The following RSRP1 variants were observed in gnomAD, a reference collection of about 807,000 sequenced individuals.
RSRP1 encodes the protein arginine/serine-rich protein 1.
In RSRP1, 37 loss-of-function variants were observed where a neutral mutation model predicts 33.0. The observed-to-expected ratio is 1.12, with a 90% CI of 0.86 to 1.48. The LOEUF (loss-of-function observed/expected upper bound fraction) is 1.48, where lower values mean the gene tolerates loss of function less well. Ranked by LOEUF, RSRP1 falls within the 40% of genes most tolerant of loss-of-function variation. RSRP1 has a pLI of 0.00. For synonymous variants in RSRP1, 167 were observed against 158.7 expected, an observed-to-expected ratio of 1.05 and a Z score of -0.40; for missense variants, 402 against 385.3, an observed-to-expected ratio of 1.04 and a Z score of -0.36.
chr1:25,267,830 G>T (rs1413586683), intron 1 of RSRP1: 2 of 130,846 alleles, frequency 1.5e-5, no homozygotes, highest in East Asian at 2.0e-4. Flanking sequence ...CTCAAATGGC[G>T]TACTCCAAAC....
chr1:25,254,734 G>A (rs183411054), intron 1 of RSRP1, among the ~76,000 whole-genome samples: 5 of 152,190 alleles, frequency 3.3e-5, no homozygotes, highest in Non-Finnish European at 5.9e-5. Flanking sequence ...AGGCCCAGCC[G>A]AATAGTTCTG....
chr1:25,253,286 T>C (rs1331212381), intron 1 of RSRP1: 1 of 152,218 alleles, frequency 6.6e-6, no homozygotes. Flanking sequence ...AGAAATCACA[T>C]AGATCTAATG....
At position 25,262,172 on chromosome 1, in the gene RSRP1, G is replaced by C. The variant is rs1263534071; in HGVS notation, c.-66-15143C>G. Among the ~76,000 whole-genome samples, 35 of 152,184 alleles carry C rather than the reference G, an allele frequency of 2.3e-4. 1 individual carries two copies. The highest frequency in any genetic ancestry group is 2.2e-3 in the Admixed American group (33 of 15,272). ...CCTGTTATTAAGTAATCTGTAGTCT[G>C]ACTAAACCATTAGAAATTTAAAAAA... On this transcript the variant is annotated intron_variant, in intron 1 of 1. Transcript: ENST00000561867.
chr1:25,311,036 G>A lies in RSRP1; in HGVS notation c.-67+26942C>T, dbSNP rs1173478458. On this transcript the variant is annotated intron_variant, in intron 1 of 1. Coordinates refer to the RSRP1 transcript ENST00000561867. Reference sequence around the variant, plus strand: ...AAAGACAGTTCTGCAGTTCTGGTGAGGGCTTAAAGGAAGACCCCAGAACTA... The same window carrying A: ...AAAGACAGTTCTGCAGTTCTGGTGAAGGCTTAAAGGAAGACCCCAGAACTA... Among the ~76,000 whole-genome samples the A allele has an allele frequency of 1.5e-5, 2 of 130,998 alleles. 1 individual carries two copies. The highest frequency in any genetic ancestry group is 3.6e-5 in the Non-Finnish European group (2 of 55,422). The allele number at this position is 130,998 out of a possible 152,430, so 85.9% of individuals were successfully genotyped here. A position where few individuals can be genotyped will look rare whatever the true frequency, so the allele number is the denominator to read the frequency against.
At chr1:25,261,404 T>G (rs1640142448) in intron 1 of RSRP1, among the ~76,000 whole-genome samples, 1 of 151,864 alleles carries the variant, frequency 6.6e-6, no homozygotes. Flanking sequence ...TGTGATTTCT[T>G]TCTTTTTTTT....
chr1:25,255,757 A>C (rs1639926554), intron 1 of RSRP1, among the ~76,000 whole-genome samples: 1 of 152,206 alleles, frequency 6.6e-6, no homozygotes, highest in African/African-American at 2.4e-5. Context: ...AGACAGTGAC[A>C]GATCATTAAG....
chr1:25,258,656 A>G (rs528886724), intron 1 of RSRP1, among the ~76,000 whole-genome samples: 2 of 152,352 alleles, frequency 1.3e-5, no homozygotes, highest in South Asian at 4.1e-4. Context: ...TTATCTACTG[A>G]ATGAACAAGA....
At position 25,311,281 on chromosome 1, in the gene RSRP1, TC is replaced by T. The variant is rs1393556279; in HGVS notation, c.-67+26696del. On this transcript the variant is annotated intron_variant, in intron 1 of 1. Coordinates refer to the RSRP1 transcript ENST00000561867. ...TTATGGAAGGCAGAAAATCTGTAGG[TC>T]AGCCATGTTGTAGGGAATGAAAGAA... Among the ~76,000 whole-genome samples the T allele has an allele frequency of 1.5e-5, 2 of 130,980 alleles. 1 individual carries two copies. The highest frequency in any genetic ancestry group is 3.6e-5 in the Non-Finnish European group (2 of 54,930). The allele number at this position is 130,980 out of a possible 152,430, so 85.9% of individuals were successfully genotyped here.
intron 1 of RSRP1, chr1:25,266,733 G>C (rs1431108398): frequency 1.9e-5 from 3 of 159,214 alleles, no homozygotes; most frequent in Admixed American, 5.3e-5. Context: ...AGTGAAAGGG[G>C]GTTCTGCTCC....
chr1:25,268,638 T>C (rs1217783134), intron 1 of RSRP1, among the ~76,000 whole-genome samples: 1 of 129,678 alleles, frequency 7.7e-6, no homozygotes, highest in African/African-American at 2.6e-5. Flanking sequence ...GGGGAGTTGA[T>C]GCTGTCCTTT....
chr1:25,260,237 A>G (rs1347446127), intron 1 of RSRP1, among the ~76,000 whole-genome samples: 1 of 152,256 alleles, frequency 6.6e-6, no homozygotes, highest in Non-Finnish European at 1.5e-5. Flanking sequence ...CTGGCAGACC[A>G]AGGTTCTTTT....
upstream of RSRP1, among the ~76,000 whole-genome samples, chr1:25,249,369 G>A (rs556094016): frequency 4.6e-5 from 7 of 151,946 alleles, no homozygotes; most frequent in South Asian, 4.2e-4. Context: ...AGACAGTCTC[G>A]CTTTGGCGCC....
rs1372033324 is a variant in RSRP1, at chr1:25,310,959, G to A, written c.-67+27019C>T. On this transcript the variant is annotated intron_variant, in intron 1 of 1. Coordinates refer to the RSRP1 transcript ENST00000561867. Reference sequence around the variant, plus strand: ...TTGCACTCCAGCTTGGGCAACAAGAGCAAAACTCCATCTCAAAAAAAAAAA... The same window carrying A: ...TTGCACTCCAGCTTGGGCAACAAGAACAAAACTCCATCTCAAAAAAAAAAA... 2.5e-5 allele frequency among the ~76,000 whole-genome samples: 3 copies of A among 119,114 alleles called. 1 individual carries two copies. The highest frequency in any genetic ancestry group is 3.9e-5 in the Non-Finnish European group (2 of 50,918). 78.1% of individuals were successfully genotyped at this position (119,114 alleles called of 152,430 possible). A position where few individuals can be genotyped will look rare whatever the true frequency, so the allele number is the denominator to read the frequency against.
At chr1:25,331,086 G>T (rs1174516438) in intron 1 of RSRP1, among the ~76,000 whole-genome samples, 1 of 117,874 alleles carries the variant, frequency 8.5e-6, no homozygotes, top group African/African-American at 2.9e-5. Flanking sequence ...TCCTGCCTCA[G>T]CCTCCCAAGT....
upstream of RSRP1, among the ~76,000 whole-genome samples, chr1:25,250,651 G>C (rs566227712): frequency 2.6e-5 from 4 of 152,294 alleles, no homozygotes; most frequent in South Asian, 8.3e-4. Flanking sequence ...ATCTGGGTAG[G>C]CCCAATCTAA....
upstream of RSRP1, among the ~76,000 whole-genome samples, chr1:25,251,502 T>A (rs1639779737): frequency 6.6e-6 from 1 of 152,052 alleles, no homozygotes; most frequent in Non-Finnish European, 1.5e-5. Context: ...CCTGAGTAGC[T>A]GGGATTACAG....
Position 25,319,549 on chromosome 1 carries a change from C to T in RSRP1, c.-67+18429G>A, listed in dbSNP as rs1456097538. Among the ~76,000 whole-genome samples the T allele has an allele frequency of 3.8e-5, 5 of 132,014 alleles. 1 individual carries two copies. The highest frequency in any genetic ancestry group is 9.0e-5 in the Non-Finnish European group (5 of 55,718). 86.6% of individuals were successfully genotyped at this position (132,014 alleles called of 152,430 possible). On this transcript the variant is annotated intron_variant, in intron 1 of 1. Transcript: ENST00000561867. ...AGTTGAGCTTGGGAGGCAGAAGTTG[C>T]AGTGAGCTGAGATCATGCCACTGCA...
At chr1:25,244,637 C>T in intron 3 of RSRP1, 5 of 1,243,680 alleles carry the variant, frequency 4.0e-6, no homozygotes, top group Non-Finnish European at 5.2e-6. Context: ...CACCAAAGTA[C>T]CAGCTAATAA....
chr1:25,268,410 T>C (rs540131547), intron 1 of RSRP1, among the ~76,000 whole-genome samples: 1 of 130,724 alleles, frequency 7.6e-6, no homozygotes, highest in Non-Finnish European at 1.8e-5. Flanking sequence ...TCCCAGCTAC[T>C]TGGGAGGCTG....
Sources: allele counts gnomAD v4.1 joint callset (sites outside exome capture counted in the v4.1 genomes callset), GRCh38; gene constraint gnomAD v4.1.1; transcripts MANE v1.5; gene names NCBI Gene and HGNC (gene_info 2026-07-23, HGNC 2026-07-21).